The following APBB2 variants were observed in gnomAD, a reference collection of about 807,000 sequenced individuals.
APBB2 encodes amyloid beta precursor protein binding family B member 2.
In APBB2, 38 loss-of-function variants were observed where a neutral mutation model predicts 82.5. The ratio of observed to expected loss-of-function variants is 0.46; its 90% CI spans 0.36 to 0.60. The LOEUF (loss-of-function observed/expected upper bound fraction) is 0.60, where lower values mean the gene tolerates loss of function less well. APBB2 is among the 20% of genes least tolerant of loss of function. The probability of loss-of-function intolerance (pLI) is 0.00; values close to 1 mark genes in which losing one functional copy is unlikely to be tolerated. For missense variants in APBB2, 772 were observed against 972.3 expected, an observed-to-expected ratio of 0.79 and a Z score of 2.74; for synonymous variants, 341 against 368.2, an observed-to-expected ratio of 0.93 and a Z score of 0.85.
At chr4:40,953,457 G>A (rs1790767117) in intron 6 of APBB2, among the ~76,000 whole-genome samples, 1 of 152,028 alleles carries the variant, frequency 6.6e-6, no homozygotes, top group Non-Finnish European at 1.5e-5. Flanking sequence ...TGGTCAACTG[G>A]TGTGTCATTG....
intron 4 of APBB2, among the ~76,000 whole-genome samples, chr4:41,034,101 T>G (rs1718172720): frequency 6.6e-6 from 1 of 152,220 alleles, no homozygotes; most frequent in Admixed American, 6.5e-5. Flanking sequence ...GAGCAAGTTT[T>G]GAATGCATGG....
intron 5 of APBB2, among the ~76,000 whole-genome samples, chr4:41,018,827 T>C (rs1335680190): frequency 6.6e-6 from 1 of 152,096 alleles, no homozygotes; most frequent in Non-Finnish European, 1.5e-5. Context: ...GACTCTGCCA[T>C]TTACCAAAGG....
chr4:40,992,445 T>C (rs1802401973), intron 6 of APBB2, among the ~76,000 whole-genome samples: 1 of 151,922 alleles, frequency 6.6e-6, no homozygotes, highest in Non-Finnish European at 1.5e-5. Context: ...CCCAAAGCAC[T>C]GGGATTACAG....
At chr4:41,021,861 A>G (rs1400392070) in intron 5 of APBB2, among the ~76,000 whole-genome samples, 2 of 152,120 alleles carry the variant, frequency 1.3e-5, no homozygotes, top group African/African-American at 4.8e-5. Context: ...TTCATTCCTC[A>G]AGTCAGCAAA....
intron 12 of APBB2, among the ~76,000 whole-genome samples, chr4:40,871,497 A>C (rs767532267): frequency 5.9e-5 from 9 of 152,216 alleles, no homozygotes; most frequent in African/African-American, 9.6e-5. Context: ...GCCTCTGCAC[A>C]AGGTAATTGG....
At chr4:41,091,693 A>G (rs902748829) in intron 3 of APBB2, among the ~76,000 whole-genome samples, 6 of 152,192 alleles carry the variant, frequency 3.9e-5, no homozygotes, top group Non-Finnish European at 7.3e-5. Flanking sequence ...TGAGGGGCTC[A>G]TGATTATTTC....
chr4:41,006,900 A>G (rs1271021443), intron 6 of APBB2, among the ~76,000 whole-genome samples: 4 of 152,264 alleles, frequency 2.6e-5, no homozygotes, highest in Non-Finnish European at 5.9e-5. Context: ...CCAAAGCTCT[A>G]TCACTTAAGC....
intron 12 of APBB2, among the ~76,000 whole-genome samples, chr4:40,866,023 CA>C (rs1169837914): frequency 6.6e-6 from 1 of 152,246 alleles, no homozygotes; most frequent in East Asian, 1.9e-4. Context: ...CAAAACGGTG[CA>C]CCTCCTCAGA....
intron 7 of APBB2, among the ~76,000 whole-genome samples, chr4:40,940,949 A>G (rs1402868074): frequency 2.0e-5 from 3 of 152,222 alleles, no homozygotes; most frequent in Admixed American, 2.0e-4. Context: ...TCAGCAGCAA[A>G]TGCTTCCTGG....
At chr4:40,848,663 T>C (rs981079207) in intron 12 of APBB2, among the ~76,000 whole-genome samples, 1 of 152,198 alleles carries the variant, frequency 6.6e-6, no homozygotes, top group African/African-American at 2.4e-5. Context: ...ATCTGCTCAG[T>C]AGCCACTTAT....
rs956596971 is a variant in APBB2 at position 41,100,717 on chromosome 4, A to T, written c.-227T>A. On this transcript the variant is annotated 5_prime_UTR_variant, in exon 3 of 18. Transcript: ENST00000508593. ...CAAAGTCTGTTAATTAATAGCAAGC[A>T]CCCAAGGAGGTCAGGCAGCCCAAAG... The T allele has an allele frequency of 5.9e-5, 9 of 152,142 alleles. No homozygotes were observed. Among genetic ancestry groups the T allele is most frequent in the African/African-American group, 2.2e-4 (9 of 41,438 alleles). 9.4% of individuals were successfully genotyped at this position (152,142 alleles called of 1,614,324 possible).
chr4:40,849,806 C>G lies in APBB2; in HGVS notation c.1530-19229G>C, dbSNP rs1470425304. On this transcript the variant is annotated intron_variant, in intron 12 of 17. Transcript: ENST00000508593. The stretch of plus-strand genomic sequence containing the variant: ...GCAGTGGCACCATCTCAGCTCACTG[C>G]AACCTCTGCCTCCCAGGATCAAGCA... 2.0e-5 allele frequency among the ~76,000 whole-genome samples: 3 copies of G among 148,592 alleles called. No homozygotes were observed. In the South Asian group the frequency reaches 6.4e-4, roughly 32 times the overall value.
intron 6 of APBB2, among the ~76,000 whole-genome samples, chr4:40,996,481 T>A (rs1158048281): frequency 6.6e-6 from 1 of 152,208 alleles, no homozygotes; most frequent in Non-Finnish European, 1.5e-5. Context: ...TGACAAAGTC[T>A]GAATCTCTCT....
At position 40,821,859 on chromosome 4, in the gene APBB2, G is replaced by A. The variant is rs770069501; in HGVS notation, c.2112+12C>T. The A allele has an allele frequency of 2.2e-5, 35 of 1,611,554 alleles. No individual in the cohort carries two copies. Among genetic ancestry groups the A allele is most frequent in the East Asian group, 2.0e-4 (9 of 44,874 alleles). Reference sequence around the variant, plus strand: ...GCGGGAGGGCTCAACAGCCTGTACCGGGATAACTCACCATGCAGGCGGCCT... The same window carrying A: ...GCGGGAGGGCTCAACAGCCTGTACCAGGATAACTCACCATGCAGGCGGCCT... On this transcript the variant is annotated intron_variant, in intron 17 of 17. Coordinates refer to ENST00000508593, the MANE Select transcript of APBB2 (RefSeq NM_004307.2).
chr4:40,941,465 G>A (rs1033815929), intron 7 of APBB2, among the ~76,000 whole-genome samples: 10 of 152,170 alleles, frequency 6.6e-5, no homozygotes, highest in East Asian at 1.9e-4. Flanking sequence ...TGTGAAGTTC[G>A]GGGTGGAAAT....
At chr4:41,213,801 G>A (rs1779932210) in intron 1 of APBB2, among the ~76,000 whole-genome samples, 1 of 152,170 alleles carries the variant, frequency 6.6e-6, no homozygotes, top group Admixed American at 6.5e-5. Context: ...CCACCGAGGG[G>A]GAAAAGGAAC....
intron 4 of APBB2, among the ~76,000 whole-genome samples, chr4:41,043,876 T>C (rs116605098): frequency 1.3e-5 from 2 of 152,320 alleles, no homozygotes; most frequent in Admixed American, 6.5e-5. Context: ...GTCTGAGTTA[T>C]GGAGTTTCCA....
At position 40,826,386 on chromosome 4, in the gene APBB2, T is replaced by TC. The variant is rs36025612; in HGVS notation, c.1733-417_1733-416insG. On this transcript the variant is annotated intron_variant, in intron 14 of 17. Coordinates refer to ENST00000508593, the MANE Select transcript of APBB2 (RefSeq NM_004307.2). This position sits in a 1 kb window ranked among gnomAD's most constrained non-coding sequence, Gnocchi z 4.5. ...TAATCAACCCACGTTTTTTTTTTTT[T>TC]AGAGACAAGAGTCTCGCTCTGTTGC... Among the ~76,000 whole-genome samples the TC allele has an allele frequency of 6.6e-6, 1 of 151,946 alleles. No homozygotes were observed. Among genetic ancestry groups the TC allele is most frequent in the Non-Finnish European group, 1.5e-5 (1 of 67,962 alleles).
At chr4:40,855,714 T>C (rs980082631) in intron 12 of APBB2, among the ~76,000 whole-genome samples, 3 of 147,960 alleles carry the variant, frequency 2.0e-5, no homozygotes, top group African/African-American at 7.6e-5. Flanking sequence ...ACAGGCTGGG[T>C]GACAGAGAGG....
Sources: allele counts gnomAD v4.1 joint callset (sites outside exome capture counted in the v4.1 genomes callset), GRCh38; gene constraint gnomAD v4.1.1; non-coding constraint Gnocchi (gnomAD v3.1); transcripts MANE v1.5; gene names NCBI Gene and HGNC (gene_info 2026-07-23, HGNC 2026-07-21).